Variants in PRAMEF4 observed in about 807,000 individuals in gnomAD.
PRAMEF4 encodes RP5-845O24.6.
PRAMEF4 carries 18 observed loss-of-function variants against 34.4 expected under a neutral mutation model. The observed-to-expected ratio is 0.52, with a 90% CI of 0.36 to 0.78. The LOEUF (loss-of-function observed/expected upper bound fraction) is 0.78. PRAMEF4 is among the 30% of genes least tolerant of loss of function. PRAMEF4 has a pLI of 0.00. For synonymous variants in PRAMEF4, 156 were observed against 219.3 expected (o/e 0.71, Z 2.55); for missense variants, 482 against 569.1 (o/e 0.85, Z 1.56).
intron 1 of PRAMEF4, among the ~76,000 whole-genome samples, chr1:12,885,106 T>G (rs567498277): frequency 2.7e-5 from 4 of 150,862 alleles, no homozygotes; most frequent in Non-Finnish European, 5.9e-5. Context: ...TCTTCATGTA[T>G]CCGATGATCA....
At chr1:12,882,953 T>C in intron 2 of PRAMEF4, 149 bp downstream of exon 2, 2 of 1,171,226 alleles carry the variant, frequency 1.7e-6, no homozygotes, top group Non-Finnish European at 2.4e-6. Flanking sequence ...TGGTGAGCAG[T>C]GCTTTCCCTG....
In PRAMEF4 at chr1:12,879,847, G is replaced by C; in HGVS notation, c.1134C>G (p.Arg378=). ...AGCTGAAGGTGTTGAGCTCAAAGCA[G>C]CGGCTCAGGGCAGGCAAGATGGCGT... ...QVNAILPALS[R]CFELNTFSFC... Residue 378 remains arginine (R), a synonymous_variant, in exon 4 of 4, where the codon CGC becomes CGG. Transcript: ENST00000235349. 3.1e-6 allele frequency: 5 copies of C among 1,599,592 alleles called. No homozygotes were observed. Among genetic ancestry groups the C allele is most frequent in the Non-Finnish European group, 4.3e-6 (5 of 1,173,508 alleles).
Position 12,884,374 on chromosome 1 carries a change from T to C in PRAMEF4, c.-16-964A>G, listed in dbSNP as rs1339593630. Among the ~76,000 whole-genome samples, 3 of 149,496 alleles carry C rather than the reference T, an allele frequency of 2.0e-5. 1 individual carries two copies. The highest frequency in any genetic ancestry group is 7.4e-5 in the African/African-American group (3 of 40,454). ...AGCTATGTGACACTGTTATGCATCA[T>C]TCTCAAGATAGATGTTTCCAATGCA... On this transcript the variant is annotated intron_variant, in intron 1 of 3. Transcript: ENST00000235349.
At chr1:12,880,339 G>A (rs1368012031) in intron 3 of PRAMEF4, among the ~76,000 whole-genome samples, 1 of 150,458 alleles carries the variant, frequency 6.6e-6, no homozygotes, top group Non-Finnish European at 1.5e-5. Flanking sequence ...ACTTTGGGAG[G>A]CTGAGACTGG....
chr1:12,882,212 C>A lies in PRAMEF4; in HGVS notation c.517G>T (p.Val173Phe). ...DEYLTCLLLW[V>F]KQRKDLLHLC... ...TGTAGTAAATCTTTCCTCTGCTTGA[C>A]CCATAGAAGGAGGCAGGTGAGGTAT... The change falls in exon 3 of 4, where the codon GTC becomes TTC. Residue 173 changes from valine (V) to phenylalanine (F), a missense_variant. Coordinates refer to ENST00000235349, the MANE Select transcript of PRAMEF4 (RefSeq NM_001009611.4). 1 of 1,586,806 alleles carries A rather than the reference C, an allele frequency of 6.3e-7. No individual in the cohort carries two copies.
chr1:12,883,998 T>C (rs550504293), intron 1 of PRAMEF4, among the ~76,000 whole-genome samples: 1 of 144,374 alleles, frequency 6.9e-6, no homozygotes, highest in Admixed American at 7.3e-5. Context: ...ATTCTCTCTC[T>C]CTTTCTCTCT....
intron 2 of PRAMEF4, among the ~76,000 whole-genome samples, chr1:12,882,894 T>A (rs567249181): frequency 6.8e-6 from 1 of 147,482 alleles, no homozygotes; most frequent in Non-Finnish European, 1.5e-5. Flanking sequence ...TCATGGTGCC[T>A]TTCAGTGCCA....
chr1:12,883,712 A>C (rs1640939500), intron 1 of PRAMEF4, among the ~76,000 whole-genome samples: 1 of 147,652 alleles, frequency 6.8e-6, no homozygotes, highest in Non-Finnish European at 1.5e-5. Context: ...CCATTGGGGG[A>C]AACTACTAAT....
At position 12,882,547 on chromosome 1, in the gene PRAMEF4, T is replaced by A. The variant is rs376191875; in HGVS notation, c.294-112A>T. On this transcript the variant is annotated intron_variant, in intron 2 of 3. Coordinates refer to ENST00000235349, the MANE Select transcript of PRAMEF4 (RefSeq NM_001009611.4). ...CCTGCTTCTTGTCCCTCTCTCTGAC[T>A]TTTCTTCACTCTGTTTTCCCCTTGG... 1.7e-4 allele frequency: 237 copies of A among 1,385,000 alleles called. 5 individuals carry two copies. The highest frequency in any genetic ancestry group is 5.7e-4 in the Admixed American group (28 of 48,696). The allele number at this position is 1,385,000 out of a possible 1,614,324, so 85.8% of individuals were successfully genotyped here.
chr1:12,884,817 G>A (rs2743629), intron 1 of PRAMEF4, among the ~76,000 whole-genome samples: 8,819 of 125,560 alleles, frequency 0.07, 116 homozygotes, highest in East Asian at 0.25. Context: ...ATTAGATATT[G>A]ATCCATCAAA....
chr1:12,884,710 C>A (rs1291831783), intron 1 of PRAMEF4, among the ~76,000 whole-genome samples: 4 of 147,548 alleles, frequency 2.7e-5, no homozygotes, highest in African/African-American at 1.0e-4. Flanking sequence ...CTAGATTGAA[C>A]AGAGAGACAG....
rs552572489 is a variant in PRAMEF4 at position 12,879,744 on chromosome 1, C to A, written c.1237G>T (p.Glu413Ter). 6.2e-7 allele frequency: 1 copy of A among 1,603,242 alleles called. No homozygotes were observed. The highest frequency in any genetic ancestry group is 1.1e-5 in the South Asian group (1 of 90,416). ...HTIILKNLCVELYPAPRESYG... is the reference protein window; with the variant it reads ...HTIILKNLCV ...CTCTCCCGGGGGGCAGGATACAGCT[C>A]CACGCATAAGTTTTTGAGTATGATT... The change falls in exon 4 of 4, where the codon GAG (glutamate) becomes TAG (stop). Residue 413 changes from glutamate (E) to a stop codon, truncating the protein, a stop_gained. Coordinates refer to ENST00000235349, the MANE Select transcript of PRAMEF4 (RefSeq NM_001009611.4). LOFTEE classifies it high-confidence loss of function.
Position 12,881,310 on chromosome 1 carries a change from G to A in PRAMEF4, c.875+544C>T, listed in dbSNP as rs12066712. Among the ~76,000 whole-genome samples, 595 of 148,676 alleles carry A rather than the reference G, an allele frequency of 4.0e-3. 63 individuals carry two copies. The highest frequency in any genetic ancestry group is 0.014 in the African/African-American group (540 of 39,882). On this transcript the variant is annotated intron_variant, in intron 3 of 3. Coordinates refer to ENST00000235349, the MANE Select transcript of PRAMEF4 (RefSeq NM_001009611.4). Reference sequence around the variant, plus strand: ...GAACCTGGGAGGCAGAAGTTGCTGCGAGCTGAGATGTCACAACTGCACTGT... The same window carrying A: ...GAACCTGGGAGGCAGAAGTTGCTGCAAGCTGAGATGTCACAACTGCACTGT...
intron 1 of PRAMEF4, among the ~76,000 whole-genome samples, 191 bp downstream of exon 1, chr1:12,885,956 C>A: frequency 2.5e-5 from 2 of 79,258 alleles, no homozygotes; most frequent in Non-Finnish European, 4.6e-5. Flanking sequence ...AACCAAAGCA[C>A]AATCAACTTT....
At chr1:12,885,303 T>A (rs1309501773) in intron 1 of PRAMEF4, among the ~76,000 whole-genome samples, 1 of 149,750 alleles carries the variant, frequency 6.7e-6, no homozygotes, top group African/African-American at 2.5e-5. Context: ...TGCCTCCATT[T>A]GGGTGGAAGA....
chr1:12,885,216 G>A (rs1214739329), intron 1 of PRAMEF4, among the ~76,000 whole-genome samples: 1 of 150,114 alleles, frequency 6.7e-6, no homozygotes. Flanking sequence ...TGTTACCTCC[G>A]CCTCCAAGAT....
chr1:12,883,457 C>A lies in PRAMEF4; in HGVS notation c.-16-47G>T. 3 of 1,596,998 alleles carry A rather than the reference C, an allele frequency of 1.9e-6. 1 individual carries two copies. In the African/African-American group the frequency reaches 4.1e-5, roughly 22 times the overall value. On this transcript the variant is annotated intron_variant, in intron 1 of 3. Transcript: ENST00000235349. ...GAAAAGGCATCTCTCTCGGGCCAAG[C>A]CCATGCAATCTCATCCTCTCCTATG...
At chr1:12,884,382 A>T (rs1309897905) in intron 1 of PRAMEF4, among the ~76,000 whole-genome samples, 1 of 149,492 alleles carries the variant, frequency 6.7e-6, no homozygotes, top group East Asian at 1.9e-4. Flanking sequence ...CATTCTCAAG[A>T]TAGATGTTTC....
Position 12,883,092 on chromosome 1 carries a change from GC to G in PRAMEF4, c.293+9del. On this transcript the variant is annotated intron_variant, in intron 2 of 3. Coordinates refer to ENST00000235349, the MANE Select transcript of PRAMEF4 (RefSeq NM_001009611.4). Reference sequence around the variant, plus strand: ...GGGCCCTCCCCACCAGCCCACCTGGGCCACCTCACCTGGGACGAACCCCTAG... The same window carrying G: ...GGGCCCTCCCCACCAGCCCACCTGGGCACCTCACCTGGGACGAACCCCTAG... The G allele has an allele frequency of 6.2e-7, 1 of 1,600,320 alleles. No homozygotes were observed. Among genetic ancestry groups the G allele is most frequent in the Non-Finnish European group, 8.5e-7 (1 of 1,173,984 alleles).
Sources: allele counts gnomAD v4.1 joint callset (sites outside exome capture counted in the v4.1 genomes callset), GRCh38; gene constraint gnomAD v4.1.1; transcripts MANE v1.5; gene names NCBI Gene and HGNC (gene_info 2026-07-23, HGNC 2026-07-21).